The following VWA2 variants were observed in gnomAD, a reference collection of about 807,000 sequenced individuals.
VWA2 encodes von Willebrand factor A domain-containing protein 2.
Under a neutral mutation model 70.4 loss-of-function variants are expected in VWA2, and 73 were observed. The observed-to-expected ratio is 1.04, with a 90% CI of 0.86 to 1.26. The LOEUF is 1.26. Ranked by LOEUF, VWA2 falls within the 50% of genes most tolerant of loss-of-function variation. The probability of loss-of-function intolerance (pLI) is 0.00; values close to 1 mark genes in which losing one functional copy is unlikely to be tolerated. For synonymous variants in VWA2, 407 were observed against 423.3 expected, an observed-to-expected ratio of 0.96 and a Z score of 0.47; for missense variants, 1,011 against 998.5, an observed-to-expected ratio of 1.01 and a Z score of -0.17.
intron 6 of VWA2, among the ~76,000 whole-genome samples, chr10:114,274,836 G>A (rs987874875): frequency 2.6e-5 from 4 of 152,118 alleles, no homozygotes; most frequent in South Asian, 2.1e-4. Flanking sequence ...GTGAGCGGCC[G>A]CCACTGAATT....
intron 1 of VWA2, chr10:114,246,113 G>A (rs2037062253): frequency 2.3e-6 from 2 of 852,184 alleles, no homozygotes; most frequent in African/African-American, 1.7e-5. Context: ...TGGTGAGAAG[G>A]TAGATCTCTG....
rs2037256800 is a variant in VWA2 at position 114,253,686 on chromosome 10, A to G, written c.88A>G (p.Ser30Gly). Residue 30 changes from serine to glycine, a missense_variant, in exon 3 of 14, where the codon AGC (serine) becomes GGC (glycine). Coordinates refer to ENST00000392982, the MANE Select transcript of VWA2 (RefSeq NM_001272046.2). ...TCTCCCTCTCCAGGAAGTCCATGTA[A>G]GCAAAGAAACCATCGGGAAGATTTC... ...PSLPLQEVHV[S>G]KETIGKISAA... 1 of 1,612,208 alleles carries G rather than the reference A, an allele frequency of 6.2e-7. No homozygotes were observed. Among genetic ancestry groups the G allele is most frequent in the Admixed American group, 1.7e-5 (1 of 59,932 alleles).
intron 1 of VWA2, among the ~76,000 whole-genome samples, chr10:114,243,621 G>T (rs1289798896): frequency 1.3e-5 from 2 of 152,000 alleles, no homozygotes; most frequent in African/African-American, 4.8e-5. Flanking sequence ...ATTGCATTTT[G>T]TAAGGAGGTA....
At chr10:114,278,643 G>A in intron 7 of VWA2, 76 bp from the exon 8 acceptor site, 1 of 1,586,412 alleles carries the variant, frequency 6.3e-7, no homozygotes, top group East Asian at 2.2e-5. Context: ...GGGAGCAGCT[G>A]CTGGGGAAGC....
rs541092353 is a variant in VWA2 at position 114,267,201 on chromosome 10, G to A, written c.372-5539G>A. Among the ~76,000 whole-genome samples the A allele has an allele frequency of 3.5e-4, 53 of 152,106 alleles. No homozygotes were observed. The South Asian group carries it at 4.4e-3, about 13-fold the overall frequency. ...GCAATCTCAGCTCACTGCAACCTCC[G>A]CCTCCCAGGTTCAAGTGATTCTCCT... On this transcript the variant is annotated intron_variant, in intron 5 of 13. Transcript: ENST00000392982.
Position 114,286,020 on chromosome 10 carries a change from T to C in VWA2, c.1079T>C (p.Leu360Pro), listed in dbSNP as rs762523043. The change falls in exon 11 of 14, where the codon CTG becomes CCG. Residue 360 changes from leucine to proline, a missense_variant. Coordinates refer to ENST00000392982, the MANE Select transcript of VWA2 (RefSeq NM_001272046.2). ...SSAGTTLDGF[L>P]RAKVFVKRFV... Reference sequence around the variant, plus strand: ...GCGGGCACCACTCTGGACGGCTTCCTGCGGGCCAAAGTCTTCGTGAAGCGG... The same window carrying C: ...GCGGGCACCACTCTGGACGGCTTCCCGCGGGCCAAAGTCTTCGTGAAGCGG... 1.2e-6 allele frequency: 2 copies of C among 1,613,988 alleles called. No homozygotes were observed. Among genetic ancestry groups the C allele is most frequent in the East Asian group, 2.2e-5 (1 of 44,890 alleles).
chr10:114,244,787 C>A (rs953580952), intron 1 of VWA2, among the ~76,000 whole-genome samples: 3 of 152,234 alleles, frequency 2.0e-5, no homozygotes, highest in Non-Finnish European at 2.9e-5. Context: ...CAATAGCGTT[C>A]ATTTCATTAA....
chr10:114,257,314 G>T (rs1245574961), intron 4 of VWA2, among the ~76,000 whole-genome samples: 2 of 152,154 alleles, frequency 1.3e-5, no homozygotes, highest in Non-Finnish European at 2.9e-5. Flanking sequence ...CTTTTAAAAG[G>T]GTTCCTTATC....
intron 8 of VWA2, chr10:114,281,396 G>A (rs1251857976): frequency 6.6e-6 from 1 of 152,340 alleles, no homozygotes; most frequent in African/African-American, 2.4e-5. Flanking sequence ...GTCATGGTCA[G>A]GGTTTGGATC....
chr10:114,259,424 G>C (rs903135871), intron 4 of VWA2, among the ~76,000 whole-genome samples: 1 of 147,278 alleles, frequency 6.8e-6, no homozygotes, highest in Admixed American at 6.7e-5. Flanking sequence ...TTTCCATTTT[G>C]TCTTTATTTT....
intron 4 of VWA2, among the ~76,000 whole-genome samples, chr10:114,260,166 T>C (rs2037414322): frequency 6.6e-6 from 1 of 152,176 alleles, no homozygotes; most frequent in Non-Finnish European, 1.5e-5. Context: ...AACCAATGAT[T>C]AGGTGCAGGC....
At chr10:114,257,474 AT>A (rs2037355307) in intron 4 of VWA2, among the ~76,000 whole-genome samples, 1 of 152,156 alleles carries the variant, frequency 6.6e-6, no homozygotes, top group Non-Finnish European at 1.5e-5. Context: ...GGTCCTATGG[AT>A]TATTAATGCA....
chr10:114,254,539 T>A (rs940596888), intron 3 of VWA2, among the ~76,000 whole-genome samples: 2 of 152,184 alleles, frequency 1.3e-5, no homozygotes, highest in African/African-American at 4.8e-5. Flanking sequence ...GCTACTGAAC[T>A]CTTGGGTAAC....
In VWA2 at chr10:114,289,211, T is replaced by C. The variant is rs1369942387; in HGVS notation, c.1844T>C (p.Leu615Pro). ...GGVGSAGTAL[L>P]HIYDKVMTVQ... ...GTGGGCTCAGCCGGCACCGCCCTGCTGCACATCTATGACAAAGTGATGACC... is the reference window on the plus strand; with the variant it reads ...GTGGGCTCAGCCGGCACCGCCCTGCCGCACATCTATGACAAAGTGATGACC... The change falls in exon 12 of 14, where the codon CTG becomes CCG. Residue 615 changes from leucine to proline, a missense_variant. Transcript: ENST00000392982. 6.2e-7 allele frequency: 1 copy of C among 1,613,780 alleles called. No individual in the cohort carries two copies. The highest frequency in any genetic ancestry group is 1.1e-5 in the South Asian group (1 of 91,020).
At chr10:114,241,887 A>C (rs1344383124) in intron 1 of VWA2, among the ~76,000 whole-genome samples, 1 of 147,312 alleles carries the variant, frequency 6.8e-6, no homozygotes, top group Non-Finnish European at 1.5e-5. Flanking sequence ...GCTATTTTAA[A>C]ACAAATCCCA....
chr10:114,254,318 C>T (rs142325324), intron 3 of VWA2, among the ~76,000 whole-genome samples: 7 of 152,170 alleles, frequency 4.6e-5, no homozygotes, highest in South Asian at 2.1e-4. Context: ...GCAATCCGCC[C>T]GCGTTGGTCT....
Position 114,289,463 on chromosome 10 carries a change from A to G in VWA2, c.2096A>G (p.Asp699Gly). ...TACGCCGACCTGCGGTACCACCAGG[A>G]CGTGCTCATTGAGTGGCTGTGTGGA... ...AAYADLRYHQ[D>G]VLIEWLCGEA... The change falls in exon 12 of 14, where the codon GAC (aspartate) becomes GGC (glycine). Residue 699 changes from aspartate (D) to glycine (G), a missense_variant. By Grantham distance (94) the Asp-to-Gly change is moderately conservative. Coordinates refer to ENST00000392982, the MANE Select transcript of VWA2 (RefSeq NM_001272046.2). 6.2e-7 allele frequency: 1 copy of G among 1,614,194 alleles called. No homozygotes were observed. Among genetic ancestry groups the G allele is most frequent in the Non-Finnish European group, 8.5e-7 (1 of 1,180,020 alleles).
At chr10:114,248,585 C>T in intron 1 of VWA2, 119 bp from the exon 2 acceptor site, 1 of 812,752 alleles carries the variant, frequency 1.2e-6, no homozygotes, top group Non-Finnish European at 2.1e-6. Flanking sequence ...TGGTGAGGGC[C>T]TCCAGGGTCA....
intron 6 of VWA2, among the ~76,000 whole-genome samples, chr10:114,275,903 G>A (rs1361213148): frequency 6.6e-6 from 1 of 152,188 alleles, no homozygotes; most frequent in Non-Finnish European, 1.5e-5. Context: ...AGTCCAGCCT[G>A]GGTGACAGAG....
Sources: gnomAD v4.1 joint callset for allele counts (sites outside exome capture counted in the v4.1 genomes callset) on GRCh38, gnomAD v4.1.1 for gene constraint, MANE v1.5 for transcripts, NCBI Gene and HGNC (gene_info 2026-07-23, HGNC 2026-07-21) for gene names.